Variants in LDLRAP1 observed in about 807,000 individuals in gnomAD.
The protein encoded by LDLRAP1 is low density lipoprotein receptor adapter protein 1.
In LDLRAP1, 30 loss-of-function variants were observed where a neutral mutation model predicts 37.8. The ratio of observed to expected loss-of-function variants is 0.79; its 90% confidence interval spans 0.59 to 1.08. LDLRAP1 has a LOEUF of 1.08. Among genes scored for constraint, LDLRAP1 ranks in the 50% least tolerant of loss-of-function variants. The pLI, the probability that LDLRAP1 is intolerant of heterozygous loss-of-function variation, is 0.00. For missense variants in LDLRAP1, 375 were observed against 401.6 expected (o/e 0.93, Z 0.57); for synonymous variants, 156 against 169.8 (o/e 0.92, Z 0.63).
chr1:25,582,837 C>T, the LDLRAP1 span, among the ~76,000 whole-genome samples: 5 of 151,862 alleles, frequency 3.3e-5, no homozygotes, highest in Non-Finnish European at 5.9e-5. Context: ...TTTGGGAGGC[C>T]GAGGTGGGCG....
chr1:25,548,563 T>A (rs2043995131), intron 1 of LDLRAP1, among the ~76,000 whole-genome samples: 1 of 152,116 alleles, frequency 6.6e-6, no homozygotes, highest in Admixed American at 6.5e-5. Context: ...TTGGCCAGGC[T>A]GTTCTGAACT....
chr1:25,564,963 C>T (rs3922724), intron 7 of LDLRAP1: 15 of 595,922 alleles, frequency 2.5e-5, no homozygotes, highest in South Asian at 2.2e-4. Flanking sequence ...CATGGCCTTT[C>T]TCCTCTCCCA....
chr1:25,570,536 C>A (rs1020273563), downstream of LDLRAP1, among the ~76,000 whole-genome samples: 1 of 152,110 alleles, frequency 6.6e-6, no homozygotes, highest in Non-Finnish European at 1.5e-5. Context: ...TTCCCAGGTG[C>A]TCATCAGAGG....
intron 1 of LDLRAP1, among the ~76,000 whole-genome samples, chr1:25,545,464 A>G (rs562737186): frequency 1.3e-5 from 2 of 152,306 alleles, no homozygotes; most frequent in Non-Finnish European, 2.9e-5. Context: ...AGGAGTATCA[A>G]GGAGATTATT....
In LDLRAP1 at chr1:25,566,833, A is replaced by G. The variant is rs1333504197; in HGVS notation, c.783-15A>G. On this transcript the variant is annotated splice_polypyrimidine_tract_variant and intron_variant, in intron 8 of 8. Transcript: ENST00000374338. ...CCTCACCCAGGCTCTCGGCTCACAC[A>G]GCTCTGCCTTCCAGGCTTGCCCAGT... The G allele has an allele frequency of 6.2e-6, 10 of 1,603,842 alleles. No homozygotes were observed. The highest frequency in any genetic ancestry group is 8.5e-6 in the Non-Finnish European group (10 of 1,175,652).
the LDLRAP1 span, among the ~76,000 whole-genome samples, chr1:25,585,685 C>T: frequency 6.6e-6 from 1 of 152,218 alleles, no homozygotes; most frequent in African/African-American, 2.4e-5. Context: ...ATTTGACTCT[C>T]CTGTGCTCCG....
chr1:25,559,001 G>A (rs770946977), intron 4 of LDLRAP1, among the ~76,000 whole-genome samples: 5 of 152,136 alleles, frequency 3.3e-5, no homozygotes, highest in Admixed American at 6.5e-5. Context: ...TGAGAAGGTT[G>A]CCTCAGTGAC....
the LDLRAP1 span, among the ~76,000 whole-genome samples, chr1:25,585,621 T>G: frequency 0.053 from 8,037 of 152,192 alleles, 691 homozygotes; most frequent in African/African-American, 0.18. Flanking sequence ...CACTGTGCCT[T>G]ACGGAAGCTG....
In LDLRAP1 at chr1:25,554,194, C is replaced by A; in HGVS notation, c.231+130C>A. 8.4e-7 allele frequency: 1 copy of A among 1,191,142 alleles called. No homozygotes were observed. The highest frequency in any genetic ancestry group is 1.4e-5 in the South Asian group (1 of 72,302). 73.8% of individuals were successfully genotyped at this position (1,191,142 alleles called of 1,614,324 possible). A position where few individuals can be genotyped will look rare whatever the true frequency, so the allele number is the denominator to read the frequency against. ...CCTGGCCCTGCCCTTCATTCTCCTT[C>A]CATCCAGCTTTTGGGCCTTGGCAGA... On this transcript the variant is annotated intron_variant, in intron 2 of 8. Coordinates refer to ENST00000374338, the MANE Select transcript of LDLRAP1 (RefSeq NM_015627.3). The surrounding 1 kb of genome is among the most constrained non-coding windows in gnomAD (Gnocchi z 5.4).
intron 3 of LDLRAP1, among the ~76,000 whole-genome samples, chr1:25,556,141 G>A (rs2044192794): frequency 6.6e-6 from 1 of 152,178 alleles, no homozygotes; most frequent in Non-Finnish European, 1.5e-5. Flanking sequence ...GCCTGTGATT[G>A]AAGCTGGGGC....
At position 25,567,805 on chromosome 1, in the gene LDLRAP1, C is replaced by T. The variant is rs1416521199; in HGVS notation, c.*813C>T. The T allele has an allele frequency of 2.6e-5, 4 of 152,496 alleles. No homozygotes were observed. The highest frequency in any genetic ancestry group is 2.0e-4 in the Admixed American group (3 of 15,294). The allele number at this position is 152,496 out of a possible 1,614,324, so 9.4% of individuals were successfully genotyped here. On this transcript the variant is annotated 3_prime_UTR_variant, in exon 9 of 9. Transcript: ENST00000374338. ...GATCATCTCTGTGACCGCCCTCCGT[C>T]GGGCCCCTGCCTGCCTTCTCCCCTC... is the stretch of plus-strand genomic sequence containing the variant.
downstream of LDLRAP1, among the ~76,000 whole-genome samples, chr1:25,572,778 T>A (rs116565812): frequency 7.5e-3 from 1,147 of 152,258 alleles, 11 homozygotes; most frequent in African/African-American, 0.026. Context: ...GTGATGTTGG[T>A]AAGAAGAGGC....
At chr1:25,557,703 A>G (rs1272536618) in intron 4 of LDLRAP1, among the ~76,000 whole-genome samples, 1 of 151,794 alleles carries the variant, frequency 6.6e-6, no homozygotes, top group African/African-American at 2.4e-5. Flanking sequence ...TGGAGTGTGG[A>G]GGGCAATGGC....
the LDLRAP1 span, among the ~76,000 whole-genome samples, chr1:25,577,285 A>G: frequency 1.3e-5 from 2 of 152,084 alleles, no homozygotes; most frequent in African/African-American, 4.8e-5. Context: ...TGAGGAGCAG[A>G]CCCAGCTGGG....
chr1:25,565,186 G>A lies in LDLRAP1; in HGVS notation c.761G>A (p.Gly254Asp). ...GSSVVWELDD[G>D]LDEAFSRLAQ... The stretch of plus-strand genomic sequence containing the variant: ...GTTTTCCCCAAGGAGCTGGATGATG[G>A]CCTGGATGAAGCGTTTTCGAGGTAA... The change falls in exon 8 of 9, where the codon GGC becomes GAC. Residue 254 changes from glycine to aspartate, a missense_variant. Transcript: ENST00000374338. 2 of 1,614,168 alleles carry A rather than the reference G, an allele frequency of 1.2e-6. No homozygotes were observed. Among genetic ancestry groups the A allele is most frequent in the Non-Finnish European group, 1.7e-6 (2 of 1,180,000 alleles).
At chr1:25,575,423 TAAAAAAA>T in the LDLRAP1 span, among the ~76,000 whole-genome samples, 4 of 108,774 alleles carry the variant, frequency 3.7e-5, no homozygotes, top group Non-Finnish European at 7.1e-5. Flanking sequence ...CTGTCTCTAC[TAAAAAAA>T]AAAAAAAAAA....
downstream of LDLRAP1, among the ~76,000 whole-genome samples, chr1:25,569,900 C>G (rs758629990): frequency 3.9e-5 from 6 of 152,220 alleles, no homozygotes; most frequent in Non-Finnish European, 8.8e-5. Context: ...CATGTCCTGG[C>G]TTCCCAGGAG....
chr1:25,561,282 A>G (rs565112079), intron 4 of LDLRAP1, among the ~76,000 whole-genome samples: 2 of 152,244 alleles, frequency 1.3e-5, no homozygotes, highest in African/African-American at 4.8e-5. Context: ...GAAGAGTTTC[A>G]TACTTAATTA....
At chr1:25,562,776 T>A (rs1392589025) in intron 5 of LDLRAP1, 60 bp downstream of exon 5, 1 of 1,488,638 alleles carries the variant, frequency 6.7e-7, no homozygotes, top group Non-Finnish European at 9.4e-7. Context: ...ATAAAGGCCC[T>A]GGGGTCAGAC....
Sources: gnomAD v4.1 joint callset for allele counts (sites outside exome capture counted in the v4.1 genomes callset) on GRCh38, gnomAD v4.1.1 for gene constraint, Gnocchi (gnomAD v3.1) non-coding constraint, MANE v1.5 for transcripts, NCBI Gene and HGNC (gene_info 2026-07-23, HGNC 2026-07-21) for gene names.